The following NRG3 variants were observed in gnomAD, a reference collection of about 807,000 sequenced individuals.
NRG3 encodes pro-neuregulin-3, membrane-bound isoform.
In NRG3, 31 loss-of-function variants were observed where a neutral mutation model predicts 66.9. The ratio of observed to expected loss-of-function variants is 0.46; its 90% CI spans 0.35 to 0.63. The LOEUF is 0.63. Ranked by LOEUF, NRG3 falls within the 20% of genes least tolerant of loss-of-function variation. The probability of loss-of-function intolerance (pLI) is 0.00; values close to 1 mark genes in which losing one functional copy is unlikely to be tolerated. For missense variants in NRG3, 910 were observed against 878.9 expected (o/e 1.04, Z -0.45); for synonymous variants, 393 against 359.4 (o/e 1.09, Z -1.06).
chr10:82,019,143 G>A (rs1179042058), intron 1 of NRG3, among the ~76,000 whole-genome samples: 1 of 152,168 alleles, frequency 6.6e-6, no homozygotes, highest in Non-Finnish European at 1.5e-5. Flanking sequence ...TTTTTAGCAT[G>A]AAGGGCTGTT....
rs186333668 is a variant in NRG3, at chr10:82,479,808, A to C, written c.953+120940A>C. 2.6e-3 allele frequency among the ~76,000 whole-genome samples: 402 copies of C among 152,098 alleles called. 1 individual carries two copies. The highest frequency in any genetic ancestry group is 9.3e-3 in the African/African-American group (384 of 41,486). On this transcript the variant is annotated intron_variant, in intron 2 of 8. Transcript: ENST00000372141. ...TGGTAAAACTCCGTCTCTACTAAAA[A>C]CACAAAAAAATTAGCGGGGCGTGGT...
At chr10:82,162,171 T>G (rs2132961675) in intron 1 of NRG3, among the ~76,000 whole-genome samples, 1 of 152,264 alleles carries the variant, frequency 6.6e-6, no homozygotes, top group African/African-American at 2.4e-5. Flanking sequence ...TGCAATTATC[T>G]GTCGAATTTA....
chr10:82,870,441 T>G (rs533164206), intron 4 of NRG3, among the ~76,000 whole-genome samples: 3 of 152,306 alleles, frequency 2.0e-5, no homozygotes, highest in Admixed American at 6.5e-5. Context: ...CTTTTTGGTG[T>G]AAGTACCAAA....
intron 1 of NRG3, among the ~76,000 whole-genome samples, chr10:82,031,267 T>A (rs2062556114): frequency 6.6e-6 from 1 of 152,160 alleles, no homozygotes; most frequent in Non-Finnish European, 1.5e-5. Context: ...CCCACGAACC[T>A]GTGTTAGGTG....
intron 1 of NRG3, among the ~76,000 whole-genome samples, chr10:81,896,689 T>A (rs1241452268): frequency 6.6e-6 from 1 of 150,942 alleles, no homozygotes; most frequent in Non-Finnish European, 1.5e-5. Flanking sequence ...TCTTTAAAGA[T>A]TGTATGATAA....
intron 1 of NRG3, among the ~76,000 whole-genome samples, chr10:82,309,542 G>A (rs2080918450): frequency 6.6e-6 from 1 of 152,110 alleles, no homozygotes; most frequent in Non-Finnish European, 1.5e-5. Context: ...TGGTCTGTAG[G>A]GTCTAAATTT....
chr10:82,119,009 A>G (rs1423493312), intron 1 of NRG3, among the ~76,000 whole-genome samples: 1 of 152,174 alleles, frequency 6.6e-6, no homozygotes, highest in Non-Finnish European at 1.5e-5. Context: ...TTTCTTTTTA[A>G]TTTTTATTTT....
chr10:82,927,952 T>C (rs1341871832), intron 4 of NRG3, among the ~76,000 whole-genome samples: 1 of 152,174 alleles, frequency 6.6e-6, no homozygotes, highest in Non-Finnish European at 1.5e-5. Flanking sequence ...TAATTTATAC[T>C]CCCACCAACA....
intron 1 of NRG3, among the ~76,000 whole-genome samples, chr10:82,213,051 GT>G (rs1168642028): frequency 1.3e-5 from 2 of 152,100 alleles, no homozygotes; most frequent in Non-Finnish European, 2.9e-5. Flanking sequence ...TTGTGATCAA[GT>G]CAGACCAGCT....
At chr10:82,869,751 G>A (rs1014696061) in intron 4 of NRG3, among the ~76,000 whole-genome samples, 3 of 151,846 alleles carry the variant, frequency 2.0e-5, no homozygotes, top group Admixed American at 1.3e-4. Context: ...GGGACTACAG[G>A]CACCCATCAC....
At chr10:82,730,884 G>A (rs921613119) in intron 2 of NRG3, among the ~76,000 whole-genome samples, 3 of 152,018 alleles carry the variant, frequency 2.0e-5, no homozygotes, top group Admixed American at 6.6e-5. Context: ...AGCTAGAAAC[G>A]TTTTTGTCCA....
intron 4 of NRG3, among the ~76,000 whole-genome samples, chr10:82,873,094 T>C (rs945049998): frequency 6.6e-6 from 1 of 152,254 alleles, no homozygotes; most frequent in Middle Eastern, 3.4e-3. Flanking sequence ...ACATTCAACA[T>C]GATTTTTCAT....
In NRG3 at chr10:82,937,620, C is replaced by T. The variant is rs77011329; in HGVS notation, c.1055-13849C>T. ...CTGCCGGAAGGTGTAAGAGAATTTA[C>T]GGAAGCAGGGAATTTATGGGAGAAG... On this transcript the variant is annotated intron_variant, in intron 4 of 8. Coordinates refer to ENST00000372141, the MANE Select transcript of NRG3 (RefSeq NM_001010848.4). Among the ~76,000 whole-genome samples the T allele has an allele frequency of 8.3e-3, 1,267 of 152,218 alleles. 21 individuals carry two copies. The highest frequency in any genetic ancestry group is 0.029 in the African/African-American group (1,223 of 41,524).
At chr10:82,488,762 A>G (rs1344078698) in intron 2 of NRG3, among the ~76,000 whole-genome samples, 1 of 152,194 alleles carries the variant, frequency 6.6e-6, no homozygotes, top group African/African-American at 2.4e-5. Context: ...ATGGAGAGTT[A>G]CATAAAACCT....
Position 82,565,707 on chromosome 10 carries a change from A to G in NRG3, c.954-172870A>G, listed in dbSNP as rs142299165. Among the ~76,000 whole-genome samples the G allele has an allele frequency of 4.3e-3, 658 of 152,176 alleles. 6 individuals are homozygous for G. Among genetic ancestry groups the G allele is most frequent in the African/African-American group, 0.014 (598 of 41,544 alleles). ...CCAGAATGCTGGGAAAGTCATTGAC[A>G]TGACTTTCTTCAGATGATTTGGTTT... On this transcript the variant is annotated intron_variant, in intron 2 of 8. Coordinates refer to ENST00000372141, the MANE Select transcript of NRG3 (RefSeq NM_001010848.4).
intron 2 of NRG3, among the ~76,000 whole-genome samples, chr10:82,722,221 T>C (rs1319197486): frequency 6.6e-6 from 1 of 152,234 alleles, no homozygotes; most frequent in African/African-American, 2.4e-5. Flanking sequence ...TCCCTCATCT[T>C]TGTTGAAACA....
At chr10:82,282,780 A>G (rs962146248) in intron 1 of NRG3, among the ~76,000 whole-genome samples, 2 of 152,152 alleles carry the variant, frequency 1.3e-5, no homozygotes, top group African/African-American at 4.8e-5. Flanking sequence ...AGCTGTGTCC[A>G]TGCCTGTGGG....
intron 2 of NRG3, among the ~76,000 whole-genome samples, chr10:82,479,925 G>A (rs1007415106): frequency 6.6e-6 from 1 of 152,174 alleles, no homozygotes; most frequent in Non-Finnish European, 1.5e-5. Context: ...CCGAGATGGC[G>A]CCACTGCACT....
intron 4 of NRG3, among the ~76,000 whole-genome samples, chr10:82,942,325 C>A (rs904480328): frequency 1.3e-5 from 2 of 152,170 alleles, no homozygotes; most frequent in African/African-American, 4.8e-5. Flanking sequence ...CGGTAGCATT[C>A]TTTTTTCTAC....
Sources: allele counts gnomAD v4.1 joint callset (sites outside exome capture counted in the v4.1 genomes callset), GRCh38; gene constraint gnomAD v4.1.1; transcripts MANE v1.5; gene names NCBI Gene and HGNC (gene_info 2026-07-23, HGNC 2026-07-21).